Variants in TNKS observed in about 807,000 individuals in gnomAD.
TNKS encodes tankyrase.
In TNKS, 72 loss-of-function variants were observed where a neutral mutation model predicts 135.8. The observed-to-expected ratio is 0.53, with a 90% confidence interval of 0.44 to 0.64. The LOEUF is 0.64. Among genes scored for constraint, TNKS ranks in the 30% least tolerant of loss-of-function variants. The probability of loss-of-function intolerance (pLI) is 0.00; values close to 1 mark genes in which losing one functional copy is unlikely to be tolerated. For synonymous variants in TNKS, 849 were observed against 649.3 expected (o/e 1.31, Z -4.68); for missense variants, 1,769 against 1,674.0 (o/e 1.06, Z -0.99).
chr8:9,575,724 C>T (rs539839888), intron 1 of TNKS, among the ~76,000 whole-genome samples: 35 of 152,172 alleles, frequency 2.3e-4, no homozygotes, highest in African/African-American at 7.2e-4. Flanking sequence ...AGAAAATGGC[C>T]AAGACAATGA....
intron 5 of TNKS, among the ~76,000 whole-genome samples, chr8:9,693,218 C>G (rs537948855): frequency 7.2e-5 from 11 of 152,136 alleles, no homozygotes; most frequent in African/African-American, 1.9e-4. Context: ...TACAGCCACA[C>G]AATGGAAATA....
chr8:9,678,370 A>T (rs542612051), intron 3 of TNKS, among the ~76,000 whole-genome samples: 1 of 151,052 alleles, frequency 6.6e-6, no homozygotes, highest in Non-Finnish European at 1.5e-5. Flanking sequence ...GCAGGAACTT[A>T]AATAGATGGA....
chr8:9,735,521 C>T (rs904053154), intron 17 of TNKS, 35 bp downstream of exon 17: 2 of 1,564,392 alleles, frequency 1.3e-6, no homozygotes, highest in Non-Finnish European at 1.8e-6. Context: ...AGAAAACTGA[C>T]CGCACGCGGT....
chr8:9,708,824 T>C (rs1804181465), intron 9 of TNKS, among the ~76,000 whole-genome samples: 1 of 152,130 alleles, frequency 6.6e-6, no homozygotes, highest in African/African-American at 2.4e-5. Context: ...GTTTGCTAGA[T>C]AAATACTAGA....
chr8:9,579,392 C>G (rs1040936102), intron 1 of TNKS, among the ~76,000 whole-genome samples: 2 of 152,180 alleles, frequency 1.3e-5, no homozygotes, highest in Non-Finnish European at 2.9e-5. Flanking sequence ...ATACATTCAT[C>G]CCCAATTTCC....
chr8:9,583,417 C>G (rs1442873548), intron 2 of TNKS, among the ~76,000 whole-genome samples: 1 of 152,096 alleles, frequency 6.6e-6, no homozygotes, highest in African/African-American at 2.4e-5. Context: ...ACTTATTTAT[C>G]TTTGCTTCTC....
chr8:9,738,995 T>C (rs892011586), intron 17 of TNKS, among the ~76,000 whole-genome samples: 11 of 152,000 alleles, frequency 7.2e-5, no homozygotes, highest in African/African-American at 2.7e-4. Context: ...ATATTGACAG[T>C]GGGGACTTCA....
chr8:9,590,672 T>C (rs886892522), intron 2 of TNKS, among the ~76,000 whole-genome samples: 1 of 152,210 alleles, frequency 6.6e-6, no homozygotes, highest in Non-Finnish European at 1.5e-5. Context: ...TAAGTAATGA[T>C]GTTGAGCATC....
At chr8:9,610,959 G>C (rs1235423325) in intron 2 of TNKS, among the ~76,000 whole-genome samples, 2 of 152,170 alleles carry the variant, frequency 1.3e-5, no homozygotes, top group Non-Finnish European at 2.9e-5. Flanking sequence ...AACTTGAATA[G>C]TTTTAAAGGA....
chr8:9,671,201 A>G (rs765458254), intron 3 of TNKS: 4 of 152,266 alleles, frequency 2.6e-5, no homozygotes, highest in African/African-American at 4.8e-5. Context: ...ATTTCTTAAC[A>G]AGGTTAAACA....
chr8:9,731,910 C>G (rs936089311), intron 14 of TNKS, among the ~76,000 whole-genome samples: 10 of 151,708 alleles, frequency 6.6e-5, no homozygotes, highest in African/African-American at 2.2e-4. Flanking sequence ...GCCTCAGCCT[C>G]CCGAATAGCT....
intron 23 of TNKS, 104 bp downstream of exon 23, chr8:9,764,894 A>G: frequency 1.2e-6 from 1 of 867,204 alleles, no homozygotes; most frequent in Middle Eastern, 2.3e-4. Context: ...TCAAACTGTG[A>G]AAGATAATTC....
chr8:9,579,167 A>C (rs1157643589), intron 1 of TNKS, among the ~76,000 whole-genome samples: 2 of 152,086 alleles, frequency 1.3e-5, no homozygotes, highest in African/African-American at 4.8e-5. Flanking sequence ...CTTCTTATAA[A>C]ATTCTGGTTT....
chr8:9,579,223 C>A (rs886064112), intron 1 of TNKS, among the ~76,000 whole-genome samples: 2 of 152,152 alleles, frequency 1.3e-5, no homozygotes, highest in African/African-American at 4.8e-5. Context: ...CATATCGTTT[C>A]CTCAAACTAA....
At chr8:9,596,772 C>T (rs1585211070) in intron 2 of TNKS, among the ~76,000 whole-genome samples, 2 of 152,264 alleles carry the variant, frequency 1.3e-5, no homozygotes, top group Admixed American at 1.3e-4. Context: ...ATAGAGGGCA[C>T]ATCTTTTGTT....
Position 9,556,480 on chromosome 8 carries a change from G to A in TNKS, c.541G>A (p.Gly181Arg). 6.2e-7 allele frequency: 1 copy of A among 1,614,150 alleles called. No homozygotes were observed. Among genetic ancestry groups the A allele is most frequent in the Non-Finnish European group, 8.5e-7 (1 of 1,180,040 alleles). ...TGGGACAGGGGTCCCAGCAGTGAGCGGGGCCCTACGGGAACTGCTGGAGGC... is the reference window on the plus strand; with the variant it reads ...TGGGACAGGGGTCCCAGCAGTGAGCAGGGCCCTACGGGAACTGCTGGAGGC... ...GPGTGVPAVS[G>R]ALRELLEACR... Residue 181 changes from glycine (G) to arginine (R), a missense_variant, in exon 1 of 27, where the codon GGG becomes AGG. Gly to Arg is a moderately radical substitution (Grantham distance 125, BLOSUM62 -2). This residue lies in a region of TNKS where 450 missense variants were observed against 304.9 expected (regional missense o/e 1.48). Coordinates refer to ENST00000310430, the MANE Select transcript of TNKS (RefSeq NM_003747.3).
At chr8:9,682,734 A>G (rs1251396259) in intron 5 of TNKS, among the ~76,000 whole-genome samples, 1 of 152,072 alleles carries the variant, frequency 6.6e-6, no homozygotes, top group Non-Finnish European at 1.5e-5. Flanking sequence ...TGAGAAAAAC[A>G]TCTACCCTTT....
At position 9,752,689 on chromosome 8, in the gene TNKS, T is replaced by C. The variant is rs1806609450; in HGVS notation, c.3153+63T>C. 2.6e-6 allele frequency: 3 copies of C among 1,158,260 alleles called. No homozygotes were observed. In the East Asian group the frequency reaches 7.4e-5, roughly 28 times the overall value. 71.7% of individuals were successfully genotyped at this position (1,158,260 alleles called of 1,614,324 possible). ...AATACTAAGATTAGGCTGGATGCAGTGGTTCACACCTTACTCCCAACACTT... is the reference window on the plus strand; with the variant it reads ...AATACTAAGATTAGGCTGGATGCAGCGGTTCACACCTTACTCCCAACACTT... On this transcript the variant is annotated intron_variant, in intron 20 of 26. Coordinates refer to ENST00000310430, the MANE Select transcript of TNKS (RefSeq NM_003747.3).
rs1315059427 is a variant in TNKS, at chr8:9,778,408, A to C, written c.*1672A>C. The C allele has an allele frequency of 6.6e-6, 1 of 152,644 alleles. No homozygotes were observed. The highest frequency in any genetic ancestry group is 6.5e-5 in the Admixed American group (1 of 15,282). The allele number at this position is 152,644 out of a possible 1,614,324, so 9.5% of individuals were successfully genotyped here. On this transcript the variant is annotated 3_prime_UTR_variant, in exon 27 of 27. Coordinates refer to ENST00000310430, the MANE Select transcript of TNKS (RefSeq NM_003747.3). Reference sequence around the variant, plus strand: ...TCCTGAAGCAAAATAAAATGGTTACATGCAAAACTTCTAGAAATAGACTCT... The same window carrying C: ...TCCTGAAGCAAAATAAAATGGTTACCTGCAAAACTTCTAGAAATAGACTCT...
Sources: allele counts gnomAD v4.1 joint callset (sites outside exome capture counted in the v4.1 genomes callset), GRCh38; gene constraint gnomAD v4.1.1; regional missense constraint gnomAD v4.1.1; transcripts MANE v1.5; gene names NCBI Gene and HGNC (gene_info 2026-07-23, HGNC 2026-07-21).